Variants in ARHGAP29 observed in about 807,000 individuals in gnomAD.
ARHGAP29 encodes rho GTPase-activating protein 29.
ARHGAP29 carries 43 observed loss-of-function variants against 122.6 expected under a neutral mutation model. The observed-to-expected ratio is 0.35, with a 90% confidence interval of 0.27 to 0.45. ARHGAP29 has a LOEUF of 0.45. Ranked by LOEUF, ARHGAP29 falls within the 20% of genes least tolerant of loss-of-function variation. The pLI, the probability that ARHGAP29 is intolerant of heterozygous loss-of-function variation, is 1.00. For synonymous variants in ARHGAP29, 506 were observed against 497.1 expected (o/e 1.02, Z -0.24); for missense variants, 1,303 against 1,477.2 (o/e 0.88, Z 1.93).
intron 7 of ARHGAP29, among the ~76,000 whole-genome samples, chr1:94,204,494 C>T (rs1341734600): frequency 2.0e-5 from 3 of 152,162 alleles, no homozygotes; most frequent in Non-Finnish European, 4.4e-5. Context: ...AGAGCATAGG[C>T]TTTGGGTAGA....
At chr1:94,201,261 T>A (rs1036422801) in intron 12 of ARHGAP29, among the ~76,000 whole-genome samples, 7 of 152,018 alleles carry the variant, frequency 4.6e-5, no homozygotes, top group African/African-American at 1.7e-4. Flanking sequence ...ACCAAACAAA[T>A]CATCAATCCA....
In ARHGAP29 at chr1:94,184,228, T is replaced by C. The variant is rs1303564632; in HGVS notation, c.2170A>G (p.Asn724Asp). Residue 724 changes from asparagine to aspartate, a missense_variant, in exon 19 of 23, where the codon AAT becomes GAT. Transcript: ENST00000260526. Reference protein sequence around the residue: ...KTEKLCQALENGMHLVDISEF... With the variant: ...KTEKLCQALEDGMHLVDISEF... Reference sequence around the variant, plus strand: ...GAAATATCTACCAAGTGCATTCCATTTTCCAAAGCTTGACACAATTTTTCA... The same window carrying C: ...GAAATATCTACCAAGTGCATTCCATCTTCCAAAGCTTGACACAATTTTTCA... 2 of 1,612,584 alleles carry C rather than the reference T, an allele frequency of 1.2e-6. No individual in the cohort carries two copies. The highest frequency in any genetic ancestry group is 1.1e-5 in the South Asian group (1 of 90,626).
At chr1:94,254,457 CT>C (rs1654247705) in intron 1 of ARHGAP29, among the ~76,000 whole-genome samples, 2 of 152,216 alleles carry the variant, frequency 1.3e-5, no homozygotes, top group African/African-American at 4.8e-5. Context: ...AGTAAGTTGC[CT>C]TGCTTAGGAG....
At position 94,237,424 on chromosome 1, in the gene ARHGAP29, C is replaced by G; in HGVS notation, c.-42G>C. Reference sequence around the variant, plus strand: ...ACCTCCTCACACTCACCACGGCGCTCCATCTCGCGTGCCGGACGCGGACGC... The same window carrying G: ...ACCTCCTCACACTCACCACGGCGCTGCATCTCGCGTGCCGGACGCGGACGC... On this transcript the variant is annotated 5_prime_UTR_variant, in exon 1 of 23. Transcript: ENST00000260526. The G allele has an allele frequency of 4.1e-6, 4 of 986,770 alleles. No homozygotes were observed. The highest frequency in any genetic ancestry group is 4.8e-6 in the Non-Finnish European group (4 of 830,708). 61.1% of individuals were successfully genotyped at this position (986,770 alleles called of 1,614,324 possible). A position where few individuals can be genotyped will look rare whatever the true frequency, so the allele number is the denominator to read the frequency against.
chr1:94,273,901 TA>T (rs146320966), intron 1 of ARHGAP29, among the ~76,000 whole-genome samples: 17,862 of 147,350 alleles, frequency 0.12, 1,248 homozygotes, highest in African/African-American at 0.19. Context: ...GCAGTAGCAT[TA>T]AAAAAAAAAG....
chr1:94,255,822 G>A (rs1215810215), intron 1 of ARHGAP29, among the ~76,000 whole-genome samples: 5 of 152,222 alleles, frequency 3.3e-5, no homozygotes, highest in Non-Finnish European at 1.5e-5. Flanking sequence ...AAGAGAGGAA[G>A]AGTTAGTGTG....
At chr1:94,294,919 T>C in the ARHGAP29 span, among the ~76,000 whole-genome samples, 1 of 152,236 alleles carries the variant, frequency 6.6e-6, no homozygotes, top group East Asian at 1.9e-4. Flanking sequence ...GAAAATTCAA[T>C]TATTTTGAGA....
At chr1:94,209,848 C>CTGTA (rs1651474315) in intron 3 of ARHGAP29, among the ~76,000 whole-genome samples, 1 of 151,674 alleles carries the variant, frequency 6.6e-6, no homozygotes, top group Non-Finnish European at 1.5e-5. Flanking sequence ...AGCATAAAAC[C>CTGTA]TGTAACAAAG....
In ARHGAP29 at chr1:94,202,644, C is replaced by T. The variant is rs140877322; in HGVS notation, c.1043G>A (p.Arg348His). 7.8e-5 allele frequency: 126 copies of T among 1,614,024 alleles called. No individual in the cohort carries two copies. Among genetic ancestry groups the T allele is most frequent in the Non-Finnish European group, 1.0e-4 (122 of 1,180,024 alleles). Residue 348 changes from arginine to histidine, a missense_variant, in exon 11 of 23, where the codon CGT becomes CAT. This residue lies in a region of ARHGAP29 where 592 missense variants were observed against 648.2 expected (regional missense o/e 0.91). Coordinates refer to ENST00000260526, the MANE Select transcript of ARHGAP29 (RefSeq NM_004815.4). ...TGAAGACAGATGCTCCTCTTCTGCA[C>T]GAAACATGGAAGACTTTGCTTTCTC... ...EYEKAKSSMF[R>H]AEEEHLSSSG...
chr1:94,183,441 C>G (rs1174015446), intron 19 of ARHGAP29, among the ~76,000 whole-genome samples: 1 of 151,972 alleles, frequency 6.6e-6, no homozygotes, highest in Non-Finnish European at 1.5e-5. Context: ...TTATTTCATC[C>G]CACTGAGTAG....
intron 2 of ARHGAP29, among the ~76,000 whole-genome samples, chr1:94,223,979 T>G (rs1458003686): frequency 6.6e-6 from 1 of 152,112 alleles, no homozygotes; most frequent in African/African-American, 2.4e-5. Context: ...GGCTGATTTT[T>G]TTTGTATTTA....
At chr1:94,249,072 A>C (rs757629671) in intron 1 of ARHGAP29, among the ~76,000 whole-genome samples, 3 of 152,242 alleles carry the variant, frequency 2.0e-5, no homozygotes, top group Non-Finnish European at 2.9e-5. Context: ...AACATCTGCT[A>C]TGTGGGATAA....
chr1:94,201,665 GC>G (rs1194367486), intron 12 of ARHGAP29, 54 bp downstream of exon 12: 8 of 1,604,148 alleles, frequency 5.0e-6, no homozygotes, highest in Non-Finnish European at 6.8e-6. Flanking sequence ...GAGCCACCAT[GC>G]CTTGCCTGAT....
the ARHGAP29 span, among the ~76,000 whole-genome samples, chr1:94,290,616 C>T: frequency 6.6e-6 from 1 of 152,098 alleles, no homozygotes; most frequent in Admixed American, 6.6e-5. Flanking sequence ...GATTCTGGTA[C>T]ATTGTGTCTT....
chr1:94,183,492 A>AG (rs902013805), intron 19 of ARHGAP29, among the ~76,000 whole-genome samples: 6 of 151,984 alleles, frequency 3.9e-5, no homozygotes, highest in African/African-American at 1.5e-4. Flanking sequence ...TTTAACAGTG[A>AG]GAAAAAAAAA....
chr1:94,236,281 A>G (rs1159538135), intron 1 of ARHGAP29, among the ~76,000 whole-genome samples: 1 of 152,240 alleles, frequency 6.6e-6, no homozygotes, highest in Non-Finnish European at 1.5e-5. Flanking sequence ...CTTTAAAAAG[A>G]GGAAGCTGCC....
At chr1:94,293,474 T>A in the ARHGAP29 span, among the ~76,000 whole-genome samples, 2 of 152,174 alleles carry the variant, frequency 1.3e-5, no homozygotes, top group East Asian at 3.9e-4. Context: ...CAGCTCACCC[T>A]CCATGGGCTG....
Position 94,178,004 on chromosome 1 carries a change from A to G in ARHGAP29, c.2644T>C (p.Ser882Pro). 6.2e-7 allele frequency: 1 copy of G among 1,614,182 alleles called. No homozygotes were observed. Among genetic ancestry groups the G allele is most frequent in the Non-Finnish European group, 8.5e-7 (1 of 1,180,026 alleles). The change falls in exon 21 of 23, where the codon TCA becomes CCA. Residue 882 changes from serine (S) to proline (P), a missense_variant. Physicochemically the swap from Ser to Pro is moderately conservative, Grantham distance 74. Coordinates refer to ENST00000260526, the MANE Select transcript of ARHGAP29 (RefSeq NM_004815.4). ...AGGGACCCATCGAAGATCTTCTGTGAGTAAGTAATGAGAAACTCTACCAAG... is the reference window on the plus strand; with the variant it reads ...AGGGACCCATCGAAGATCTTCTGTGGGTAAGTAATGAGAAACTCTACCAAG... ...ARLVEFLITY[S>P]QKIFDGSLQP...
Position 94,209,244 on chromosome 1 carries a change from C to A in ARHGAP29, c.437+10G>T. 6.3e-7 allele frequency: 1 copy of A among 1,589,712 alleles called. No homozygotes were observed. Among genetic ancestry groups the A allele is most frequent in the South Asian group, 1.1e-5 (1 of 89,230 alleles). On this transcript the variant is annotated intron_variant, in intron 4 of 22. Transcript: ENST00000260526. ...GGACTAGTTGCTTTAAATGACAGTT[C>A]TCTACTTACATATTTCCAAAGGTAA...
Sources: allele counts gnomAD v4.1 joint callset (sites outside exome capture counted in the v4.1 genomes callset), GRCh38; gene constraint gnomAD v4.1.1; regional missense constraint gnomAD v4.1.1; transcripts MANE v1.5; gene names NCBI Gene and HGNC (gene_info 2026-07-23, HGNC 2026-07-21).